The following BARX2 variants were observed in gnomAD, a reference collection of about 807,000 sequenced individuals.
BARX2 encodes homeobox protein BarH-like 2.
BARX2 carries 11 observed loss-of-function variants against 25.5 expected under a neutral mutation model. The ratio of observed to expected loss-of-function variants is 0.43; its 90% CI spans 0.27 to 0.71. BARX2 has a LOEUF of 0.71. Ranked by LOEUF, BARX2 falls within the 30% of genes least tolerant of loss-of-function variation. The pLI, the probability that BARX2 is intolerant of heterozygous loss-of-function variation, is 0.19. For missense variants in BARX2, 360 were observed against 359.9 expected, an observed-to-expected ratio of 1.00 and a Z score of 0.00; for synonymous variants, 137 against 149.5, an observed-to-expected ratio of 0.92 and a Z score of 0.61.
rs191012139 is a variant in BARX2, at chr11:129,391,752, A to C, written c.187+15530A>C. Among the ~76,000 whole-genome samples, 332 of 152,324 alleles carry C rather than the reference A, an allele frequency of 2.2e-3. 1 individual carries two copies. Among genetic ancestry groups the C allele is most frequent in the African/African-American group, 7.6e-3 (318 of 41,582 alleles). ...GATTTTCTGCACGGAGAGGGGGGTC[A>C]AAAATATTTATAGTAAAGTGGTAGA... On this transcript the variant is annotated intron_variant, in intron 1 of 3. Coordinates refer to ENST00000281437, the MANE Select transcript of BARX2 (RefSeq NM_003658.5).
chr11:129,413,159 G>A (rs1206385101), intron 1 of BARX2, among the ~76,000 whole-genome samples: 2 of 152,184 alleles, frequency 1.3e-5, no homozygotes, highest in Admixed American at 6.6e-5. Context: ...CCCAGGCACC[G>A]TGCTAAGCAT....
At chr11:129,409,044 G>T (rs547411766) in intron 1 of BARX2, among the ~76,000 whole-genome samples, 102 of 150,972 alleles carry the variant, frequency 6.8e-4, no homozygotes, top group African/African-American at 2.5e-3. Flanking sequence ...GACCTTGTGG[G>T]CCAGGAGCTA....
intron 1 of BARX2, among the ~76,000 whole-genome samples, chr11:129,434,132 A>G (rs1040355465): frequency 6.6e-6 from 1 of 152,044 alleles, no homozygotes. Flanking sequence ...AAAAAATCAT[A>G]GTTTTAAAGA....
chr11:129,407,973 G>A (rs1027583041), intron 1 of BARX2, among the ~76,000 whole-genome samples: 5 of 148,960 alleles, frequency 3.4e-5, no homozygotes, highest in Non-Finnish European at 5.9e-5. Context: ...AGGCCAAGGC[G>A]GGCCGATCAT....
chr11:129,375,985 C>CCGGGCACTCGCAGCCGCGCTCGGGCCGG lies in BARX2; in HGVS notation c.-47_-20dup. On this transcript the variant is annotated 5_prime_UTR_variant, in exon 1 of 4. Transcript: ENST00000281437. This position sits in a 1 kb window ranked among gnomAD's most constrained non-coding sequence, Gnocchi z 4.0. ...GCGCCAGCCCCGCGGCCCCAGCGGG[C>CCGGGCACTCGCAGCCGCGCTCGGGCCGG]CGGGCACTCGCAGCCGCGCTCGGGC... The CCGGGCACTCGCAGCCGCGCTCGGGCCGG allele has an allele frequency of 1.7e-6, 2 of 1,157,810 alleles. No homozygotes were observed. Among genetic ancestry groups the CCGGGCACTCGCAGCCGCGCTCGGGCCGG allele is most frequent in the Non-Finnish European group, 1.1e-6 (1 of 936,928 alleles). The allele number at this position is 1,157,810 out of a possible 1,614,324, so 71.7% of individuals were successfully genotyped here. A position where few individuals can be genotyped will look rare whatever the true frequency, so the allele number is the denominator to read the frequency against.
chr11:129,395,610 T>G (rs1370283590), intron 1 of BARX2, among the ~76,000 whole-genome samples: 2 of 152,196 alleles, frequency 1.3e-5, no homozygotes, highest in Non-Finnish European at 2.9e-5. Flanking sequence ...CCTCTCTCTC[T>G]GCACCCATCC....
intron 1 of BARX2, among the ~76,000 whole-genome samples, chr11:129,434,325 G>A (rs1258306125): frequency 6.8e-6 from 1 of 146,836 alleles, no homozygotes; most frequent in African/African-American, 2.5e-5. Flanking sequence ...AACATTTTGG[G>A]AGGCTGAAAT....
At chr11:129,414,649 C>A (rs1861926184) in intron 1 of BARX2, among the ~76,000 whole-genome samples, 1 of 152,166 alleles carries the variant, frequency 6.6e-6, no homozygotes, top group African/African-American at 2.4e-5. Context: ...GCATTACATG[C>A]AAATGACAGC....
chr11:129,408,474 G>A (rs540775939), intron 1 of BARX2, among the ~76,000 whole-genome samples: 17 of 152,154 alleles, frequency 1.1e-4, no homozygotes, highest in Non-Finnish European at 1.8e-4. Context: ...CTCACAGTGC[G>A]TCGGTTTTGT....
intron 1 of BARX2, among the ~76,000 whole-genome samples, chr11:129,402,663 A>G (rs1023473392): frequency 3.9e-5 from 6 of 152,230 alleles, no homozygotes; most frequent in African/African-American, 1.4e-4. Context: ...CTATTTTGTA[A>G]ATACTGGGGA....
chr11:129,433,126 T>C (rs912438365), intron 1 of BARX2, among the ~76,000 whole-genome samples: 2 of 152,208 alleles, frequency 1.3e-5, no homozygotes, highest in African/African-American at 4.8e-5. Flanking sequence ...ACAGAAATCA[T>C]GGTTTTCTCA....
intron 1 of BARX2, among the ~76,000 whole-genome samples, chr11:129,415,812 TTAAGTC>T (rs1218063669): frequency 8.5e-5 from 13 of 152,242 alleles, no homozygotes; most frequent in South Asian, 4.1e-4. Flanking sequence ...ACATTCCACT[TTAAGTC>T]TAAGCTGAAA....
At chr11:129,379,147 C>T (rs764694194) in intron 1 of BARX2, among the ~76,000 whole-genome samples, 4 of 152,100 alleles carry the variant, frequency 2.6e-5, no homozygotes, top group South Asian at 4.2e-4. Context: ...TAGTACGTCT[C>T]GTAAATCATC....
intron 1 of BARX2, among the ~76,000 whole-genome samples, chr11:129,407,139 C>G (rs78031899): frequency 0.024 from 3,652 of 152,256 alleles, 81 homozygotes; most frequent in East Asian, 0.1. Flanking sequence ...TGCTGTAGAG[C>G]CTTCACCCAC....
chr11:129,436,654 C>T lies in BARX2; in HGVS notation c.188-97C>T, dbSNP rs1862191994. 9 of 1,344,242 alleles carry T rather than the reference C, an allele frequency of 6.7e-6. No homozygotes were observed. The highest frequency in any genetic ancestry group is 9.1e-6 in the Non-Finnish European group (9 of 988,084). The allele number at this position is 1,344,242 out of a possible 1,614,324, so 83.3% of individuals were successfully genotyped here. ...GTACCTCCTTAAGAGCAGGGCCCTCCCTGTCAGACAGACCTCAGCCAGCGG... is the reference window on the plus strand; with the variant it reads ...GTACCTCCTTAAGAGCAGGGCCCTCTCTGTCAGACAGACCTCAGCCAGCGG... On this transcript the variant is annotated intron_variant, in intron 1 of 3. Coordinates refer to ENST00000281437, the MANE Select transcript of BARX2 (RefSeq NM_003658.5). This position sits in a 1 kb window ranked among gnomAD's most constrained non-coding sequence, Gnocchi z 4.5.
intron 1 of BARX2, among the ~76,000 whole-genome samples, chr11:129,419,891 A>G (rs1861985287): frequency 6.6e-6 from 1 of 151,798 alleles, no homozygotes; most frequent in Admixed American, 6.6e-5. Context: ...AGCGATTCTC[A>G]TGCCTCGGCC....
intron 1 of BARX2, among the ~76,000 whole-genome samples, chr11:129,413,548 A>G (rs986358749): frequency 2.6e-5 from 4 of 152,116 alleles, no homozygotes; most frequent in African/African-American, 7.2e-5. Flanking sequence ...GACGCTGGAG[A>G]GTCCAGAAGG....
intron 1 of BARX2, among the ~76,000 whole-genome samples, chr11:129,382,019 C>T (rs1861570147): frequency 6.6e-6 from 1 of 152,168 alleles, no homozygotes; most frequent in Non-Finnish European, 1.5e-5. Context: ...AGCTTAAGCT[C>T]TGCACAGCAT....
chr11:129,415,800 C>T (rs1281445407), intron 1 of BARX2, among the ~76,000 whole-genome samples: 2 of 152,204 alleles, frequency 1.3e-5, no homozygotes, highest in Non-Finnish European at 2.9e-5. Flanking sequence ...GAAAAGGTGC[C>T]AACATTCCAC....
Sources: allele counts gnomAD v4.1 joint callset (sites outside exome capture counted in the v4.1 genomes callset), GRCh38; gene constraint gnomAD v4.1.1; non-coding constraint Gnocchi (gnomAD v3.1); transcripts MANE v1.5; gene names NCBI Gene and HGNC (gene_info 2026-07-23, HGNC 2026-07-21).